FMO1: variants seen among roughly 807,000 people sequenced by gnomAD.
FMO1 encodes the protein flavin containing dimethylaniline monoxygenase 1, also known as flavin-containing monooxygenase 1.
In FMO1, 36 loss-of-function variants were observed where a neutral mutation model predicts 45.4. The observed-to-expected ratio is 0.79, with a 90% CI of 0.61 to 1.05. The LOEUF (loss-of-function observed/expected upper bound fraction) is 1.05, where lower values mean the gene tolerates loss of function less well. FMO1 is among the 50% of genes least tolerant of loss of function. The pLI, the probability that FMO1 is intolerant of heterozygous loss-of-function variation, is 0.00. For synonymous variants in FMO1, 228 were observed against 227.2 expected (o/e 1.00, Z -0.03); for missense variants, 615 against 640.3 (o/e 0.96, Z 0.43).
Position 171,285,641 on chromosome 1 carries a change from T to A in FMO1, c.*97T>A. 1.4e-6 allele frequency: 1 copy of A among 716,052 alleles called. No individual in the cohort carries two copies. Among genetic ancestry groups the A allele is most frequent in the Non-Finnish European group, 2.1e-6 (1 of 476,918 alleles). The allele number at this position is 716,052 out of a possible 1,614,324, so 44.4% of individuals were successfully genotyped here. On this transcript the variant is annotated 3_prime_UTR_variant, in exon 9 of 9. Coordinates refer to ENST00000617670, the MANE Select transcript of FMO1 (RefSeq NM_001282693.2). ...TTGCCTTCACAGTTATAAACTGTAT[T>A]CAAATAGTAAAGGCCACCCTCTCGC...
intron 1 of FMO1, among the ~76,000 whole-genome samples, chr1:171,250,980 C>T (rs1048811244): frequency 3.9e-5 from 6 of 151,974 alleles, no homozygotes; most frequent in African/African-American, 1.5e-4. Flanking sequence ...CTTGGAAGGC[C>T]GAGAAGTTTG....
intron 2 of FMO1, among the ~76,000 whole-genome samples, chr1:171,265,624 T>C (rs866374899): frequency 1.3e-5 from 2 of 152,246 alleles, no homozygotes; most frequent in Non-Finnish European, 2.9e-5. Flanking sequence ...AGAGTCATCA[T>C]TACCTTTGTA....
chr1:171,269,969 C>A (rs965295129), intron 3 of FMO1, among the ~76,000 whole-genome samples: 7 of 152,136 alleles, frequency 4.6e-5, no homozygotes, highest in African/African-American at 1.7e-4. Flanking sequence ...ACATCTATAG[C>A]CAGCATTTTC....
At chr1:171,271,250 T>C (rs1660851256) in intron 3 of FMO1, 7 of 1,077,252 alleles carry the variant, frequency 6.5e-6, no homozygotes, top group Non-Finnish European at 8.4e-6. Context: ...TGTTCTCCTT[T>C]AATTTTTGGG....
At chr1:171,279,678 C>T (rs1661275654) in intron 5 of FMO1, among the ~76,000 whole-genome samples, 1 of 152,194 alleles carries the variant, frequency 6.6e-6, no homozygotes, top group African/African-American at 2.4e-5. Context: ...TACCAACAAA[C>T]AAATCCTCAG....
At chr1:171,254,740 A>G (rs1200689109) in intron 1 of FMO1, among the ~76,000 whole-genome samples, 1 of 152,206 alleles carries the variant, frequency 6.6e-6, no homozygotes, top group African/African-American at 2.4e-5. Context: ...CCCTAACTCT[A>G]GAGCCCACTT....
intron 7 of FMO1, chr1:171,282,939 C>A: frequency 2.3e-6 from 1 of 442,982 alleles, no homozygotes. Context: ...AGTGAGATGA[C>A]CAGATGCTTA....
Position 171,275,426 on chromosome 1 carries a change from G to GC in FMO1, c.403dup (p.Gln135ProfsTer7). 4 of 1,613,688 alleles carry GC rather than the reference G, an allele frequency of 2.5e-6. No homozygotes were observed. The highest frequency in any genetic ancestry group is 1.3e-5 in the African/African-American group (1 of 75,030). ...AGGTGGTCACTATGCATGAAGAGAA[G>GC]CAAGAGTCAGCCATCTTTGATGCTG... On this transcript the variant is annotated frameshift_variant, in exon 4 of 9. Coordinates refer to ENST00000617670, the MANE Select transcript of FMO1 (RefSeq NM_001282693.2). LOFTEE classifies it high-confidence loss of function.
At chr1:171,262,674 A>G (rs574698901) in intron 2 of FMO1, among the ~76,000 whole-genome samples, 69 of 152,266 alleles carry the variant, frequency 4.5e-4, no homozygotes, top group Admixed American at 2.2e-3. Context: ...GATTCCTGTA[A>G]CCTTTCATTA....
chr1:171,278,862 G>C lies in FMO1; in HGVS notation c.618G>C (p.Leu206=), dbSNP rs535797940. Residue 206 remains leucine, a synonymous_variant, in exon 5 of 9, where the codon CTG becomes CTC. Transcript: ENST00000617670. ...GTDIAVEASH[L]AEKVFLSTTG... ...ACATTGCTGTGGAGGCCAGCCACCT[G>C]GCGGAAAAGGTACATTCCTGATGTT... 1.2e-6 allele frequency: 2 copies of C among 1,610,730 alleles called. No individual in the cohort carries two copies. Among genetic ancestry groups the C allele is most frequent in the Admixed American group, 3.3e-5 (2 of 59,752 alleles).
At chr1:171,262,251 A>G (rs1266693186) in intron 2 of FMO1, among the ~76,000 whole-genome samples, 1 of 152,160 alleles carries the variant, frequency 6.6e-6, no homozygotes, top group Non-Finnish European at 1.5e-5. Context: ...CCTGGTCAAC[A>G]TGACGAAACC....
intron 1 of FMO1, chr1:171,257,750 G>C (rs1660219783): frequency 5.7e-6 from 2 of 349,564 alleles, no homozygotes; most frequent in Admixed American, 8.1e-5. Flanking sequence ...TAGGGCCACA[G>C]AATGGAGACT....
intron 4 of FMO1, among the ~76,000 whole-genome samples, chr1:171,275,783 G>T (rs1235964608): frequency 6.6e-6 from 1 of 152,068 alleles, no homozygotes; most frequent in Non-Finnish European, 1.5e-5. Flanking sequence ...TGTCCCTCAA[G>T]TGACTGGTAG....
At chr1:171,265,752 T>C (rs1400670926) in intron 2 of FMO1, among the ~76,000 whole-genome samples, 1 of 152,232 alleles carries the variant, frequency 6.6e-6, no homozygotes, top group Non-Finnish European at 1.5e-5. Flanking sequence ...ATATGACAAT[T>C]AATCTTGCTT....
At chr1:171,279,406 G>C (rs1661262655) in intron 5 of FMO1, among the ~76,000 whole-genome samples, 2 of 152,150 alleles carry the variant, frequency 1.3e-5, no homozygotes, top group South Asian at 4.1e-4. Flanking sequence ...AGCCACTGAA[G>C]TAGGTACTGT....
chr1:171,258,077 T>C lies in FMO1; in HGVS notation c.-6-5T>C, dbSNP rs10912675. On this transcript the variant is annotated splice_region_variant and splice_polypyrimidine_tract_variant and intron_variant, in intron 1 of 8. Transcript: ENST00000617670. ...TAAAAAGCCTGCTTCATCTTCCTCA[T>C]GCAGGAGAACATGGCCAAGCGAGTT... The C allele has an allele frequency of 0.29, 474,487 of 1,613,342 alleles. 77,661 individuals are homozygous for C. Among genetic ancestry groups the C allele is most frequent in the African/African-American group, 0.71 (52,875 of 74,938 alleles).
chr1:171,251,234 T>C (rs923935145), intron 1 of FMO1, among the ~76,000 whole-genome samples: 1 of 152,144 alleles, frequency 6.6e-6, no homozygotes, highest in African/African-American at 2.4e-5. Flanking sequence ...ACCGAATAAA[T>C]GTGAGTCTGA....
At chr1:171,268,760 A>G (rs1191855439) in intron 3 of FMO1, among the ~76,000 whole-genome samples, 1 of 152,212 alleles carries the variant, frequency 6.6e-6, no homozygotes, top group East Asian at 1.9e-4. Context: ...GGAGACATTG[A>G]CCAAAACAAG....
In FMO1 at chr1:171,252,824, G is replaced by A. The variant is rs147193867; in HGVS notation, c.-7+4201G>A. Among the ~76,000 whole-genome samples, 359 of 152,306 alleles carry A rather than the reference G, an allele frequency of 2.4e-3. 2 individuals carry two copies. The highest frequency in any genetic ancestry group is 8.1e-3 in the African/African-American group (335 of 41,558). ...AGGTGGGGGTGAGGGGACAGAAGAG[G>A]GAGGGCTGCCTACCACGGTCTGGGG... On this transcript the variant is annotated intron_variant, in intron 1 of 8. Transcript: ENST00000617670.
Sources: gnomAD v4.1 joint callset for allele counts (sites outside exome capture counted in the v4.1 genomes callset) on GRCh38, gnomAD v4.1.1 for gene constraint, MANE v1.5 for transcripts, NCBI Gene and HGNC (gene_info 2026-07-23, HGNC 2026-07-21) for gene names.